Variants in CDK14 observed in about 807,000 individuals in gnomAD.
The protein encoded by CDK14 is cyclin dependent kinase 14.
A neutral mutation model predicts 60.7 loss-of-function variants in CDK14; 34 were observed. The ratio of observed to expected loss-of-function variants is 0.56; its 90% CI spans 0.43 to 0.75. CDK14 has a LOEUF of 0.75. Among genes scored for constraint, CDK14 ranks in the 30% least tolerant of loss-of-function variants. The pLI is 0.00. For synonymous variants in CDK14, 197 were observed against 203.7 expected, an observed-to-expected ratio of 0.97 and a Z score of 0.28; for missense variants, 482 against 564.1, an observed-to-expected ratio of 0.85 and a Z score of 1.47.
At position 90,830,873 on chromosome 7, in the gene CDK14, C is replaced by T. The variant is rs1789891480; in HGVS notation, c.545-32302C>T. ...GAGCAAAATGACACTAATCTCCTTGCTAAAGCATAGCAAGAGTGACCTTTA... is the reference window on the plus strand; with the variant it reads ...GAGCAAAATGACACTAATCTCCTTGTTAAAGCATAGCAAGAGTGACCTTTA... On this transcript the variant is annotated intron_variant, in intron 5 of 14. Transcript: ENST00000380050. 4.6e-5 allele frequency among the ~76,000 whole-genome samples: 7 copies of T among 152,330 alleles called. No homozygotes were observed. In the South Asian group the frequency reaches 1.4e-3, roughly 32 times the overall value.
intron 12 of CDK14, among the ~76,000 whole-genome samples, chr7:91,112,138 GTTTTA>G (rs951218537): frequency 1.3e-5 from 2 of 152,130 alleles, no homozygotes; most frequent in East Asian, 1.9e-4. Context: ...TTTAATAGCA[GTTTTA>G]TTTTAATTCT....
intron 10 of CDK14, among the ~76,000 whole-genome samples, chr7:90,987,515 C>T (rs1033797712): frequency 1.3e-5 from 2 of 151,934 alleles, no homozygotes; most frequent in Admixed American, 6.6e-5. Context: ...ATGTTTTGCC[C>T]TGAAGAATTA....
intron 11 of CDK14, among the ~76,000 whole-genome samples, chr7:91,075,807 A>C (rs1047986775): frequency 3.9e-5 from 6 of 152,218 alleles, no homozygotes; most frequent in Non-Finnish European, 7.3e-5. Context: ...AATCACAAGC[A>C]TTCCTACGTA....
intron 11 of CDK14, among the ~76,000 whole-genome samples, chr7:91,051,209 G>T (rs530992476): frequency 6.6e-6 from 1 of 152,140 alleles, no homozygotes; most frequent in Non-Finnish European, 1.5e-5. Context: ...AAGACACTGA[G>T]TTATTCATGA....
At chr7:91,067,802 T>C (rs1316155504) in intron 11 of CDK14, among the ~76,000 whole-genome samples, 2 of 152,264 alleles carry the variant, frequency 1.3e-5, no homozygotes, top group African/African-American at 4.8e-5. Flanking sequence ...TGTCAAGCTC[T>C]AAAAGAGGTA....
At position 91,078,040 on chromosome 7, in the gene CDK14, T is replaced by C. The variant is rs79654488; in HGVS notation, c.1106-1392T>C. Among the ~76,000 whole-genome samples, 1,284 of 152,326 alleles carry C rather than the reference T, an allele frequency of 8.4e-3. 19 individuals carry two copies. The highest frequency in any genetic ancestry group is 0.029 in the African/African-American group (1,223 of 41,564). On this transcript the variant is annotated intron_variant, in intron 11 of 14. Coordinates refer to ENST00000380050, the MANE Select transcript of CDK14 (RefSeq NM_001287135.2). ...TAGAAGACGTATGGAGAAAGTGACA[T>C]ACTTTTTCATCACTGGTGGGAAAAT...
At chr7:90,899,802 C>T (rs1329800373) in intron 7 of CDK14, among the ~76,000 whole-genome samples, 1 of 152,080 alleles carries the variant, frequency 6.6e-6, no homozygotes, top group East Asian at 1.9e-4. Flanking sequence ...TTCTGCTACT[C>T]TTTTTCCTTT....
At chr7:91,013,800 A>G (rs568935976) in intron 10 of CDK14, among the ~76,000 whole-genome samples, 19 of 152,092 alleles carry the variant, frequency 1.2e-4, no homozygotes, top group African/African-American at 4.6e-4. Context: ...AATTGAGGGA[A>G]CATGTAATGA....
At chr7:90,869,563 A>C (rs927012389) in intron 6 of CDK14, among the ~76,000 whole-genome samples, 6 of 152,250 alleles carry the variant, frequency 3.9e-5, no homozygotes, top group Non-Finnish European at 8.8e-5. Context: ...GATCTGACTC[A>C]TATTTTATTG....
intron 8 of CDK14, 133 bp downstream of exon 8, chr7:90,917,857 G>T: frequency 2.4e-6 from 2 of 835,516 alleles, no homozygotes; most frequent in Non-Finnish European, 1.8e-6. Flanking sequence ...CTGAAATGAA[G>T]GATTTTTTCT....
At chr7:91,116,136 C>T (rs938825743) in intron 13 of CDK14, among the ~76,000 whole-genome samples, 1 of 152,174 alleles carries the variant, frequency 6.6e-6, no homozygotes, top group African/African-American at 2.4e-5. Context: ...TTCCCAAATA[C>T]ACCACAGGGC....
At chr7:91,185,319 G>A (rs111974618) in intron 14 of CDK14, among the ~76,000 whole-genome samples, 1 of 56,690 alleles carries the variant, frequency 1.8e-5, no homozygotes, top group East Asian at 2.3e-4. Context: ...CTGCTTGGTC[G>A]ATAGCCCCTA....
chr7:91,136,396 C>G lies in CDK14; in HGVS notation c.*28+18188C>G, dbSNP rs1020695086. Reference sequence around the variant, plus strand: ...ACTTCACTAGTTGATTTGAGCGTTACTGCCCATAATCTCTACAGTTTAGGA... The same window carrying G: ...ACTTCACTAGTTGATTTGAGCGTTAGTGCCCATAATCTCTACAGTTTAGGA... On this transcript the variant is annotated intron_variant, in intron 14 of 14. Coordinates refer to ENST00000380050, the MANE Select transcript of CDK14 (RefSeq NM_001287135.2). Among the ~76,000 whole-genome samples the G allele has an allele frequency of 2.6e-5, 4 of 152,136 alleles. No individual in the cohort carries two copies. The South Asian group carries it at 6.2e-4, about 24-fold the overall frequency.
intron 10 of CDK14, among the ~76,000 whole-genome samples, chr7:91,034,222 A>C (rs1796846859): frequency 6.6e-6 from 1 of 152,170 alleles, no homozygotes; most frequent in South Asian, 2.1e-4. Context: ...TGTCTAGTTA[A>C]ATTGGGCCAG....
At position 90,940,965 on chromosome 7, in the gene CDK14, A is replaced by G. The variant is rs562768908; in HGVS notation, c.827-14732A>G. On this transcript the variant is annotated intron_variant, in intron 8 of 14. Transcript: ENST00000380050. ...AAGTTCAGTTCAACCAGTTAACTCA[A>G]TGAACACATTACTCATGTATTGATC... 2.0e-4 allele frequency among the ~76,000 whole-genome samples: 30 copies of G among 152,322 alleles called. 1 individual carries two copies. In the South Asian group the frequency reaches 5.6e-3, roughly 28 times the overall value.
At chr7:91,141,661 A>G (rs902274555) in intron 14 of CDK14, among the ~76,000 whole-genome samples, 2 of 152,064 alleles carry the variant, frequency 1.3e-5, no homozygotes, top group African/African-American at 4.8e-5. Context: ...CAGCTTCTCC[A>G]TGATGCCGAG....
chr7:91,067,122 G>A (rs1235885601), intron 11 of CDK14, among the ~76,000 whole-genome samples: 6 of 152,186 alleles, frequency 3.9e-5, no homozygotes, highest in African/African-American at 1.2e-4. Flanking sequence ...ATTATTCATA[G>A]GCAGTTGACT....
chr7:90,632,605 T>G (rs1800028243), intron 2 of CDK14: 1 of 152,964 alleles, frequency 6.5e-6, no homozygotes, highest in Admixed American at 6.5e-5. Flanking sequence ...TTTATTATAC[T>G]GGGGAATGAA....
intron 5 of CDK14, among the ~76,000 whole-genome samples, chr7:90,841,863 C>T (rs1229700378): frequency 6.6e-6 from 1 of 152,078 alleles, no homozygotes; most frequent in African/African-American, 2.4e-5. Flanking sequence ...AGGTGTTTCG[C>T]ATGTCCTCAT....
Sources: allele counts gnomAD v4.1 joint callset (sites outside exome capture counted in the v4.1 genomes callset), GRCh38; gene constraint gnomAD v4.1.1; transcripts MANE v1.5; gene names NCBI Gene and HGNC (gene_info 2026-07-23, HGNC 2026-07-21).